Variants in WTIP observed in about 807,000 individuals in gnomAD.
The protein encoded by WTIP is Wilms tumor protein 1-interacting protein.
Under a neutral mutation model 41.7 loss-of-function variants are expected in WTIP, and 23 were observed. The ratio of observed to expected loss-of-function variants is 0.55; its 90% CI spans 0.40 to 0.78. The LOEUF is 0.78. Ranked by LOEUF, WTIP falls within the 30% of genes least tolerant of loss-of-function variation. The pLI, the probability that WTIP is intolerant of heterozygous loss-of-function variation, is 0.00. For missense variants in WTIP, 619 were observed against 610.5 expected, an observed-to-expected ratio of 1.01 and a Z score of -0.15; for synonymous variants, 314 against 269.9, an observed-to-expected ratio of 1.16 and a Z score of -1.60.
At chr19:34,496,974 T>C (rs1040138169) in intron 7 of WTIP, among the ~76,000 whole-genome samples, 9 of 152,172 alleles carry the variant, frequency 5.9e-5, no homozygotes, top group African/African-American at 2.2e-4. Flanking sequence ...GCAATTCTCC[T>C]GCCTCAGCCT....
At chr19:34,490,556 C>A in intron 2 of WTIP, 79 bp downstream of exon 2, 2 of 1,401,132 alleles carry the variant, frequency 1.4e-6, no homozygotes, top group East Asian at 2.3e-5. Context: ...CTGCCTTGCC[C>A]CTGAGTCCAG....
Position 34,493,622 on chromosome 19 carries a change from C to A in WTIP, c.1031C>A (p.Thr344Lys), listed in dbSNP as rs151001266. The A allele has an allele frequency of 2.0e-5, 33 of 1,613,196 alleles. No homozygotes were observed. Among genetic ancestry groups the A allele is most frequent in the African/African-American group, 2.7e-5 (2 of 74,922 alleles). Residue 344 changes from threonine (T) to lysine (K), a missense_variant and splice_region_variant, in exon 5 of 8, where the codon ACG becomes AAG. Physicochemically the swap from Thr to Lys is moderately conservative, Grantham distance 78. Around this residue, in one of 3 missense-constraint regions of WTIP, gnomAD observed 164 missense variants for 219.1 expected, o/e 0.75. Coordinates refer to ENST00000590071, the MANE Select transcript of WTIP (RefSeq NM_001080436.2). The surrounding 1 kb of genome is among the most constrained non-coding windows in gnomAD (Gnocchi z 4.1). ...NNIYCVRDYH[T>K]VFAPKCASCA... ...ATCTACTGCGTGCGAGACTATCACA[C>A]GTGAGTTGCTGGTGCTGTGGAGCAG...
rs146166131 is a variant in WTIP at position 34,496,317 on chromosome 19, C to T, written c.1152+546C>T. On this transcript the variant is annotated intron_variant, in intron 7 of 7. Transcript: ENST00000590071. ...TCCTGAGTAGCTATCACCACAGGCT[C>T]GCGCCGCCACATTCAGCTAATTTTG... Among the ~76,000 whole-genome samples the T allele has an allele frequency of 8.7e-3, 1,330 of 152,282 alleles. 24 individuals carry two copies. The highest frequency in any genetic ancestry group is 0.011 in the South Asian group (53 of 4,828).
chr19:34,511,475 C>T lies in WTIP; in HGVS notation c.*11206C>T, dbSNP rs548800535. The stretch of plus-strand genomic sequence containing the variant: ...GTATCAGACCCCGTCTCTACAAAAA[C>T]AAAAACAAAATAAAAAAAAGTAGCT... On this transcript the variant is annotated 3_prime_UTR_variant, in exon 8 of 8. Transcript: ENST00000590071. 12 of 152,116 alleles carry T rather than the reference C, an allele frequency of 7.9e-5. No individual in the cohort carries two copies. The highest frequency in any genetic ancestry group is 7.2e-4 in the Admixed American group (11 of 15,268). 9.4% of individuals were successfully genotyped at this position (152,116 alleles called of 1,614,324 possible). A position where few individuals can be genotyped will look rare whatever the true frequency, so the allele number is the denominator to read the frequency against.
chr19:34,489,688 A>G (rs1385565727), intron 1 of WTIP, among the ~76,000 whole-genome samples: 1 of 152,210 alleles, frequency 6.6e-6, no homozygotes, highest in Non-Finnish European at 1.5e-5. Flanking sequence ...CACGCCTGTA[A>G]TTGCAGCACT....
At chr19:34,483,340 G>A (rs1451317339) in intron 1 of WTIP, among the ~76,000 whole-genome samples, 1 of 151,960 alleles carries the variant, frequency 6.6e-6, no homozygotes, top group Non-Finnish European at 1.5e-5. Context: ...TTTCTTCTTT[G>A]CGTTTGGTGC....
intron 7 of WTIP, among the ~76,000 whole-genome samples, chr19:34,496,534 G>C (rs986299957): frequency 9.2e-5 from 14 of 152,134 alleles, no homozygotes; most frequent in Non-Finnish European, 1.5e-4. Context: ...GAGTGCACTG[G>C]GGGAGGGAGT....
chr19:34,501,732 G>C lies in WTIP; in HGVS notation c.*1463G>C, dbSNP rs1303356418. On this transcript the variant is annotated 3_prime_UTR_variant, in exon 8 of 8. Transcript: ENST00000590071. ...GTCCAGCAGGGCCGAGGCATGGCGC[G>C]GGCGCCACCTGGTGGGCTGAGCCGG... The C allele has an allele frequency of 6.6e-6, 1 of 152,510 alleles. No homozygotes were observed. Among genetic ancestry groups the C allele is most frequent in the African/African-American group, 2.4e-5 (1 of 41,468 alleles). The allele number at this position is 152,510 out of a possible 1,614,324, so 9.4% of individuals were successfully genotyped here. A position where few individuals can be genotyped will look rare whatever the true frequency, so the allele number is the denominator to read the frequency against.
intron 7 of WTIP, 82 bp from the exon 8 acceptor site, chr19:34,500,047 C>G: frequency 1.3e-6 from 2 of 1,540,336 alleles, no homozygotes; most frequent in Non-Finnish European, 1.7e-6. Context: ...TCTGCCCCTC[C>G]CCTCCGTCCC....
rs2075769942 is a variant in WTIP at position 34,482,108 on chromosome 19, C to T, written c.134C>T (p.Ala45Val). Residue 45 changes from alanine (A) to valine (V), a missense_variant, in exon 1 of 8, where the codon GCG (alanine) becomes GTG (valine). Around this residue, in one of 3 missense-constraint regions of WTIP, gnomAD observed 363 missense variants for 309.0 expected, o/e 1.17. Coordinates refer to ENST00000590071, the MANE Select transcript of WTIP (RefSeq NM_001080436.2). ...CCGCGGCCTGGGCCTGGAGACGAGG[C>T]GGCGCCCGCGCTGGGCCGCAGAGGG... is the stretch of plus-strand genomic sequence containing the variant. ...RGPRPGPGDE[A>V]APALGRRGKG... 1.9e-6 allele frequency: 2 copies of T among 1,044,254 alleles called. No homozygotes were observed. Among genetic ancestry groups the T allele is most frequent in the South Asian group, 4.4e-5 (1 of 22,770 alleles). The allele number at this position is 1,044,254 out of a possible 1,614,324, so 64.7% of individuals were successfully genotyped here.
rs2075772275 is a variant in WTIP at position 34,482,385 on chromosome 19, G to A, written c.411G>A (p.Val137=). The stretch of plus-strand genomic sequence containing the variant: ...GTCCCGGTCCCGGGCCGCCTTCGGT[G>A]GGCAGCGCCCGCTCCAGCGTTTCCA... ...DPRPGPGPPS[V]GSARSSVSSL... The change falls in exon 1 of 8, where the codon GTG becomes GTA. Residue 137 remains valine, a synonymous_variant. Transcript: ENST00000590071. The A allele has an allele frequency of 2.9e-6, 4 of 1,368,116 alleles. No individual in the cohort carries two copies. In the South Asian group the frequency reaches 4.5e-5, roughly 15 times the overall value. The allele number at this position is 1,368,116 out of a possible 1,614,324, so 84.7% of individuals were successfully genotyped here. A position where few individuals can be genotyped will look rare whatever the true frequency, so the allele number is the denominator to read the frequency against.
chr19:34,490,990 ATT>A (rs771220375), intron 2 of WTIP, among the ~76,000 whole-genome samples: 10 of 140,106 alleles, frequency 7.1e-5, no homozygotes, highest in Admixed American at 1.4e-4. Flanking sequence ...CGCTCGGCTA[ATT>A]TTTTTTTTTT....
At chr19:34,499,456 T>C (rs904507663) in intron 7 of WTIP, among the ~76,000 whole-genome samples, 1 of 152,128 alleles carries the variant, frequency 6.6e-6, no homozygotes, top group African/African-American at 2.4e-5. Flanking sequence ...TGCAGTGAAC[T>C]GGGATCCAGA....
At chr19:34,487,945 C>G (rs2075805947) in intron 1 of WTIP, among the ~76,000 whole-genome samples, 1 of 152,172 alleles carries the variant, frequency 6.6e-6, no homozygotes, top group African/African-American at 2.4e-5. Context: ...CAGGCTTGGC[C>G]CTGGCGTTGC....
chr19:34,481,874 G>A lies in WTIP; in HGVS notation c.-101G>A, dbSNP rs1316265731. The A allele has an allele frequency of 4.1e-6, 3 of 723,848 alleles. No homozygotes were observed. The highest frequency in any genetic ancestry group is 5.1e-6 in the Non-Finnish European group (3 of 592,810). 44.8% of individuals were successfully genotyped at this position (723,848 alleles called of 1,614,324 possible). A position where few individuals can be genotyped will look rare whatever the true frequency, so the allele number is the denominator to read the frequency against. ...GCCCCGCCCCGCGCCCAGGGGTCCC[G>A]GGGCGGGCTCCGGGCTTCGGGCGGA... On this transcript the variant is annotated 5_prime_UTR_variant, in exon 1 of 8. Coordinates refer to ENST00000590071, the MANE Select transcript of WTIP (RefSeq NM_001080436.2).
chr19:34,500,259 C>T lies in WTIP; in HGVS notation c.1283C>T (p.Thr428Ile). The change falls in exon 8 of 8, where the codon ACT becomes ATT. Residue 428 changes from threonine (T) to isoleucine (I), a missense_variant. By Grantham distance (89) the Thr-to-Ile change is moderately conservative (BLOSUM62 -1). Around this residue, in one of 3 missense-constraint regions of WTIP, gnomAD observed 92 missense variants for 82.4 expected, o/e 1.12. Transcript: ENST00000590071. ...CTTCCCTCACCCACTGTGCACGTCA[C>T]TGAGCTCTGAGCAGGGGAAAACCCG... ...GPLPSPTVHV[T>I]EL is the part of the protein sequence containing the mutation. 1 of 1,607,374 alleles carries T rather than the reference C, an allele frequency of 6.2e-7. No homozygotes were observed. The highest frequency in any genetic ancestry group is 8.5e-7 in the Non-Finnish European group (1 of 1,178,998).
intron 1 of WTIP, among the ~76,000 whole-genome samples, chr19:34,484,428 G>C (rs956924956): frequency 6.6e-6 from 1 of 152,106 alleles, no homozygotes; most frequent in African/African-American, 2.4e-5. Context: ...GATGGAGAGC[G>C]CCTCCCATCT....
intron 6 of WTIP, 127 bp from the exon 7 acceptor site, chr19:34,495,576 C>A: frequency 1.0e-6 from 1 of 974,538 alleles, no homozygotes; most frequent in Non-Finnish European, 1.6e-6. Flanking sequence ...AGCAGCGTGG[C>A]AGTGCTCCCC....
chr19:34,496,657 T>C (rs2075855422), intron 7 of WTIP, among the ~76,000 whole-genome samples: 1 of 134,078 alleles, frequency 7.5e-6, no homozygotes, highest in Non-Finnish European at 1.6e-5. Context: ...ATTTGGCAAG[T>C]GTCTGGATGT....
Sources: gnomAD v4.1 joint callset for allele counts (sites outside exome capture counted in the v4.1 genomes callset) on GRCh38, gnomAD v4.1.1 for gene constraint, gnomAD v4.1.1 regional missense constraint, Gnocchi (gnomAD v3.1) non-coding constraint, MANE v1.5 for transcripts, NCBI Gene and HGNC (gene_info 2026-07-23, HGNC 2026-07-21) for gene names.